Variants in HDAC9 observed in about 807,000 individuals in gnomAD.
The protein encoded by HDAC9 is MEF-2 interacting transcription repressor (MITR) protein.
HDAC9 carries 41 observed loss-of-function variants against 139.4 expected under a neutral mutation model. That is an observed-to-expected ratio of 0.29 (90% CI 0.23 to 0.38). The LOEUF is 0.38. HDAC9 is among the 10% of genes least tolerant of loss of function. The pLI, the probability that HDAC9 is intolerant of heterozygous loss-of-function variation, is 1.00. For missense variants in HDAC9, 1,147 were observed against 1,297.0 expected (o/e 0.88, Z 1.78); for synonymous variants, 517 against 476.2 (o/e 1.09, Z -1.12).
intron 6 of HDAC9, among the ~76,000 whole-genome samples, chr7:18,604,960 T>G (rs1338646213): frequency 6.6e-6 from 1 of 152,220 alleles, no homozygotes; most frequent in Non-Finnish European, 1.5e-5. Flanking sequence ...GGATGCTTTA[T>G]AATTTTTTGT....
At chr7:18,368,745 T>C (rs1784374567) in intron 1 of HDAC9, among the ~76,000 whole-genome samples, 1 of 150,996 alleles carries the variant, frequency 6.6e-6, no homozygotes, top group Admixed American at 6.6e-5. Flanking sequence ...TTCAGACACA[T>C]GCTCAGTGAG....
chr7:18,243,089 T>G (rs979996131), intron 2 of HDAC9, among the ~76,000 whole-genome samples: 3 of 152,232 alleles, frequency 2.0e-5, no homozygotes, highest in African/African-American at 7.2e-5. Context: ...GTTTTCCTTC[T>G]TTCTTTTTTC....
intron 6 of HDAC9, among the ~76,000 whole-genome samples, chr7:18,627,617 A>T (rs1346584136): frequency 6.6e-6 from 1 of 152,154 alleles, no homozygotes; most frequent in African/African-American, 2.4e-5. Context: ...CACTAAGGTG[A>T]AGTGTGTTGC....
intron 22 of HDAC9, among the ~76,000 whole-genome samples, chr7:18,905,989 TTC>T (rs988315899): frequency 2.2e-4 from 33 of 151,142 alleles, no homozygotes; most frequent in Admixed American, 5.9e-4. Context: ...CCTTCCTTCC[TTC>T]TCTCTCTCTC....
intron 1 of HDAC9, among the ~76,000 whole-genome samples, chr7:18,446,039 T>C (rs1792262658): frequency 6.6e-6 from 1 of 152,194 alleles, no homozygotes; most frequent in South Asian, 2.1e-4. Context: ...TAAGCTCTAT[T>C]TAAAAAGTGT....
intron 11 of HDAC9, among the ~76,000 whole-genome samples, chr7:18,665,644 C>A (rs1331956842): frequency 6.6e-6 from 1 of 151,772 alleles, no homozygotes; most frequent in Non-Finnish European, 1.5e-5. Flanking sequence ...CTTTAAAGTT[C>A]AGAATATCAA....
At chr7:18,763,499 A>G (rs1221422834) in intron 15 of HDAC9, among the ~76,000 whole-genome samples, 6 of 152,180 alleles carry the variant, frequency 3.9e-5, no homozygotes, top group Non-Finnish European at 8.8e-5. Context: ...TATCGAATTA[A>G]CATTGTATAT....
intron 22 of HDAC9, among the ~76,000 whole-genome samples, chr7:18,931,179 T>C (rs1176645726): frequency 6.6e-6 from 1 of 152,194 alleles, no homozygotes; most frequent in Non-Finnish European, 1.5e-5. Flanking sequence ...TTTTCTAGAA[T>C]GGTACTAATT....
rs183416570 is a variant in HDAC9 at position 18,929,864 on chromosome 7, G to A, written c.2804-5945G>A. ...TGAGGCAGGAGAATTGCTTGAACCC[G>A]GGAGGTGGAGGTTGCAGTGAGCTGA... is the stretch of plus-strand genomic sequence containing the variant. On this transcript the variant is annotated intron_variant, in intron 22 of 25. Transcript: ENST00000686413. Among the ~76,000 whole-genome samples the A allele has an allele frequency of 2.5e-3, 376 of 152,052 alleles. 5 individuals carry two copies. The highest frequency in any genetic ancestry group is 2.6e-3 in the Non-Finnish European group (178 of 67,976).
At chr7:18,787,586 G>C (rs1190115682) in intron 16 of HDAC9, among the ~76,000 whole-genome samples, 1 of 152,144 alleles carries the variant, frequency 6.6e-6, no homozygotes, top group East Asian at 1.9e-4. Context: ...ATAAAGCAAG[G>C]CTTGGTAAAG....
intron 12 of HDAC9, among the ~76,000 whole-genome samples, chr7:18,680,717 T>A (rs1254549632): frequency 2.0e-5 from 3 of 152,078 alleles, no homozygotes; most frequent in African/African-American, 2.4e-5. Context: ...AAAAGCTGTT[T>A]CCTGCTATTT....
intron 1 of HDAC9, among the ~76,000 whole-genome samples, chr7:18,144,691 C>G (rs1216743052): frequency 6.6e-6 from 1 of 152,100 alleles, no homozygotes; most frequent in Non-Finnish European, 1.5e-5. Context: ...GTGATCTGCC[C>G]TGATAAGTTT....
rs1459524563 is a variant in HDAC9, at chr7:18,629,376, T to A, written c.691T>A (p.Ser231Thr). 1 of 1,606,114 alleles carries A rather than the reference T, an allele frequency of 6.2e-7. No individual in the cohort carries two copies. The highest frequency in any genetic ancestry group is 8.5e-7 in the Non-Finnish European group (1 of 1,176,556). ...TASEPNLKVR[S>T]RLKQKVAERR... The stretch of plus-strand genomic sequence containing the variant: ...CTCTGAGCCCAACTTGAAGGTGCGG[T>A]CCAGGTTAAAACAGAAAGTGGCAGA... Residue 231 changes from serine (S) to threonine (T), a missense_variant, in exon 7 of 26, where the codon TCC (serine) becomes ACC (threonine). Around this residue, in one of 7 missense-constraint regions of HDAC9, gnomAD observed 264 missense variants for 273.8 expected, o/e 0.96. Coordinates refer to ENST00000686413, the MANE Select transcript of HDAC9 (RefSeq NM_178425.4).
At chr7:18,211,668 CTT>C (rs1791946901) in intron 2 of HDAC9, among the ~76,000 whole-genome samples, 1 of 152,138 alleles carries the variant, frequency 6.6e-6, no homozygotes, top group South Asian at 2.1e-4. Flanking sequence ...GATAGAATGA[CTT>C]TTGTGGTTAT....
chr7:18,405,753 T>A (rs1246121255), intron 1 of HDAC9, among the ~76,000 whole-genome samples: 4 of 152,252 alleles, frequency 2.6e-5, no homozygotes, highest in African/African-American at 9.6e-5. Context: ...TTTAAAATAG[T>A]TCAAGTTCAG....
rs574701719 is a variant in HDAC9, at chr7:18,734,400, C to CCCTG, written c.1909+6644_1909+6647dup. 9.5e-4 allele frequency among the ~76,000 whole-genome samples: 145 copies of CCCTG among 152,242 alleles called. 1 individual carries two copies. The highest frequency in any genetic ancestry group is 3.3e-3 in the African/African-American group (137 of 41,538). Reference sequence around the variant, plus strand: ...CCCCAGCCCTCCACCTCTAGACAGGCCCTGGTGTGTGATGATCCCCGCCCT... The same window carrying CCCTG: ...CCCCAGCCCTCCACCTCTAGACAGGCCCTGCCTGGTGTGTGATGATCCCCGCCCT... On this transcript the variant is annotated intron_variant, in intron 13 of 25. Coordinates refer to ENST00000686413, the MANE Select transcript of HDAC9 (RefSeq NM_178425.4).
intron 2 of HDAC9, among the ~76,000 whole-genome samples, chr7:18,546,091 C>G (rs574530846): frequency 5.9e-5 from 9 of 152,198 alleles, no homozygotes; most frequent in African/African-American, 2.2e-4. Flanking sequence ...TGAATATCTC[C>G]TAAATTTTTG....
At chr7:18,158,404 T>G (rs1455878726) in intron 1 of HDAC9, among the ~76,000 whole-genome samples, 4 of 152,194 alleles carry the variant, frequency 2.6e-5, no homozygotes, top group Admixed American at 2.0e-4. Context: ...AAGACCTGTA[T>G]CTCAATGAGC....
intron 22 of HDAC9, among the ~76,000 whole-genome samples, chr7:18,875,433 AG>A (rs1799248249): frequency 6.6e-6 from 1 of 152,166 alleles, no homozygotes; most frequent in Non-Finnish European, 1.5e-5. Flanking sequence ...TTTAAGTGGG[AG>A]AGATGAGTTT....
Sources: allele counts gnomAD v4.1 joint callset (sites outside exome capture counted in the v4.1 genomes callset), GRCh38; gene constraint gnomAD v4.1.1; regional missense constraint gnomAD v4.1.1; transcripts MANE v1.5; gene names NCBI Gene and HGNC (gene_info 2026-07-23, HGNC 2026-07-21).